Variants in COL6A3 observed in about 807,000 individuals in gnomAD.
The protein encoded by COL6A3 is collagen alpha-3(VI) chain.
Under a neutral mutation model 274.1 loss-of-function variants are expected in COL6A3, and 137 were observed. That is an observed-to-expected ratio of 0.50 (90% CI 0.44 to 0.58). The LOEUF (loss-of-function observed/expected upper bound fraction) is 0.58. Ranked by LOEUF, COL6A3 falls within the 20% of genes least tolerant of loss-of-function variation. The pLI is 0.00. For missense variants in COL6A3, 3,950 were observed against 4,124.9 expected, an observed-to-expected ratio of 0.96 and a Z score of 1.16; for synonymous variants, 1,650 against 1,650.6, an observed-to-expected ratio of 1.00 and a Z score of 0.01.
rs748053172 is a variant in COL6A3, at chr2:237,374,502, C to T, written c.3589G>A (p.Val1197Ile). 25 of 1,614,024 alleles carry T rather than the reference C, an allele frequency of 1.5e-5. No homozygotes were observed. The Admixed American group carries it at 1.7e-4, about 11-fold the overall frequency. ...ACCCTCTCAGAGATGACCTGTTGGA[C>T]GGTCCCCAGCTGGCGAAAGGTGGGA... Reference protein sequence around the residue: ...AIPTFRQLGTVQQVISERVTQ... With the variant: ...AIPTFRQLGTIQQVISERVTQ... The change falls in exon 8 of 44, where the codon GTC becomes ATC. Residue 1197 changes from valine (V) to isoleucine (I), a missense_variant. By Grantham distance (29) the Val-to-Ile change is conservative. Coordinates refer to ENST00000295550, the MANE Select transcript of COL6A3 (RefSeq NM_004369.4). The surrounding 1 kb of genome is among the most constrained non-coding windows in gnomAD (Gnocchi z 4.8).
chr2:237,393,921 G>A (rs2078357800), intron 3 of COL6A3, among the ~76,000 whole-genome samples: 1 of 152,164 alleles, frequency 6.6e-6, no homozygotes, highest in South Asian at 2.1e-4. Context: ...ATTAGAATTA[G>A]AAGAGTCTCT....
chr2:237,396,787 C>T lies in COL6A3; in HGVS notation c.31G>A (p.Ala11Thr), dbSNP rs1327591330. 1 of 1,614,040 alleles carries T rather than the reference C, an allele frequency of 6.2e-7. No individual in the cohort carries two copies. The highest frequency in any genetic ancestry group is 1.3e-5 in the African/African-American group (1 of 74,908). ...CCTGAGAGAAAGAGGCAAAAGACGG[C>T]CACTAAGGGCAAGTGCCGATGTTTC... is the stretch of plus-strand genomic sequence containing the variant. MRKHRHLPLVAVFCLFLSGFP... is the reference protein window; with the variant it reads MRKHRHLPLVTVFCLFLSGFP... The change falls in exon 2 of 44, where the codon GCC becomes ACC. Residue 11 changes from alanine (A) to threonine (T), a missense_variant. By Grantham distance (58) the Ala-to-Thr change is moderately conservative. Around this residue, in one of 5 missense-constraint regions of COL6A3, gnomAD observed 1,934 missense variants for 1,984.3 expected, o/e 0.97. Transcript: ENST00000295550.
intron 1 of COL6A3, among the ~76,000 whole-genome samples, chr2:237,401,388 AGT>A (rs1010128998): frequency 1.3e-5 from 2 of 151,246 alleles, no homozygotes; most frequent in African/African-American, 4.8e-5. Context: ...TCATTTCAAC[AGT>A]GTTTTATAGT....
chr2:237,386,177 C>A (rs927675316), intron 4 of COL6A3, among the ~76,000 whole-genome samples: 17 of 152,168 alleles, frequency 1.1e-4, no homozygotes, highest in Admixed American at 1.1e-3. Flanking sequence ...AATTTTGTAA[C>A]CCTTGTAAGG....
At chr2:237,410,547 C>T (rs771672655) in intron 1 of COL6A3, among the ~76,000 whole-genome samples, 9 of 152,080 alleles carry the variant, frequency 5.9e-5, no homozygotes, top group African/African-American at 9.7e-5. Flanking sequence ...TCAAGCGATC[C>T]GCCCACCTCA....
chr2:237,358,716 A>T (rs1294247898), intron 20 of COL6A3, 133 bp from the exon 21 acceptor site: 5 of 873,006 alleles, frequency 5.7e-6, no homozygotes, highest in Non-Finnish European at 9.5e-6. Flanking sequence ...CATGAAGGCA[A>T]ATTCACTTCC....
intron 4 of COL6A3, among the ~76,000 whole-genome samples, chr2:237,387,128 C>T (rs1405366591): frequency 1.3e-5 from 2 of 152,078 alleles, no homozygotes; most frequent in Non-Finnish European, 2.9e-5. Context: ...GAGGAGACAC[C>T]CTCACTCCAT....
In COL6A3 at chr2:237,341,005, C is replaced by A. The variant is rs973495446; in HGVS notation, c.7911G>T (p.Glu2637Asp). 3.1e-6 allele frequency: 5 copies of A among 1,614,072 alleles called. No homozygotes were observed. In the African/African-American group the frequency reaches 6.7e-5, roughly 22 times the overall value. ...AETTTLFQFN[E>D]MKKYIAYLVR... ...CCAGGTACGCTATGTACTTCTTCAT[C>A]TCATTGAACTGGAACAGGGTGGTGG... The change falls in exon 38 of 44, where the codon GAG becomes GAT. Residue 2637 changes from glutamate to aspartate, a missense_variant. Glu to Asp is a conservative substitution (Grantham distance 45, BLOSUM62 2). This residue lies in a region of COL6A3 where 1,284 missense variants were observed against 1,349.7 expected (regional missense o/e 0.95). Coordinates refer to ENST00000295550, the MANE Select transcript of COL6A3 (RefSeq NM_004369.4).
At chr2:237,406,904 T>TC (rs1367983824) in intron 1 of COL6A3, among the ~76,000 whole-genome samples, 1 of 148,230 alleles carries the variant, frequency 6.7e-6, no homozygotes, top group Non-Finnish European at 1.5e-5. Flanking sequence ...CTTTCTTTTT[T>TC]CCCTTTTTTT....
In COL6A3 at chr2:237,354,938, T is replaced by C. The variant is rs765782763; in HGVS notation, c.6592-4A>G. ...GTCCCCTTCGGCCAAAGCCACCCTG[T>C]GGAAGAAAAAGTCCCACAAACTGTG... On this transcript the variant is annotated splice_polypyrimidine_tract_variant and splice_region_variant and intron_variant, in intron 23 of 43. Coordinates refer to ENST00000295550, the MANE Select transcript of COL6A3 (RefSeq NM_004369.4). 8 of 1,613,756 alleles carry C rather than the reference T, an allele frequency of 5.0e-6. No homozygotes were observed. The South Asian group carries it at 5.5e-5, about 11-fold the overall frequency.
chr2:237,344,853 G>C lies in COL6A3; in HGVS notation c.7175-10C>G. ...GGGCACTCCAGGGGCCCTGTGGAAA[G>C]TAGAGGGTGGAGGGTTAAAGACAAA... On this transcript the variant is annotated splice_polypyrimidine_tract_variant and intron_variant, in intron 35 of 43. Transcript: ENST00000295550. The surrounding 1 kb of genome is among the most constrained non-coding windows in gnomAD (Gnocchi z 4.8). 6.2e-7 allele frequency: 1 copy of C among 1,613,666 alleles called. No homozygotes were observed. Among genetic ancestry groups the C allele is most frequent in the Non-Finnish European group, 8.5e-7 (1 of 1,180,040 alleles).
rs768794876 is a variant in COL6A3, at chr2:237,344,764, G to A, written c.7254C>T (p.Phe2418=). ...DTSEGVNQDT[F]GRMRDVVLSI... ...TCAAGACCACATCTCGCATCCGGCC[G>A]AAAGTGTCTTGGTTGACTCCCTCAG... Residue 2418 remains phenylalanine (F), a synonymous_variant, in exon 36 of 44, where the codon TTC becomes TTT. Coordinates refer to ENST00000295550, the MANE Select transcript of COL6A3 (RefSeq NM_004369.4). This position sits in a 1 kb window ranked among gnomAD's most constrained non-coding sequence, Gnocchi z 4.8. 5.9e-5 allele frequency: 95 copies of A among 1,602,018 alleles called. No individual in the cohort carries two copies. Among genetic ancestry groups the A allele is most frequent in the Admixed American group, 1.4e-4 (8 of 58,708 alleles).
chr2:237,333,239 T>C, intron 42 of COL6A3: 1 of 607,976 alleles, frequency 1.6e-6, no homozygotes, highest in Non-Finnish European at 2.9e-6. Flanking sequence ...CCATCAAATT[T>C]TCACTGAGTC....
At position 237,395,023 on chromosome 2, in the gene COL6A3, G is replaced by A. The variant is rs886042867; in HGVS notation, c.273C>T (p.Phe91=). The A allele has an allele frequency of 6.2e-6, 10 of 1,614,164 alleles. No individual in the cohort carries two copies. The highest frequency in any genetic ancestry group is 8.5e-6 in the Non-Finnish European group (10 of 1,180,024). Residue 91 remains phenylalanine, a synonymous_variant, in exon 3 of 44, where the codon TTC becomes TTT. Coordinates refer to ENST00000295550, the MANE Select transcript of COL6A3 (RefSeq NM_004369.4). ...VQFNGNPHTE[F]LLNTYRTKQE... is the part of the protein sequence containing the mutation. The stretch of plus-strand genomic sequence containing the variant: ...GTTTAGTACGATACGTATTTAACAG[G>A]AACTCGGTATGTGGGTTTCCGTTGA...
chr2:237,413,161 G>A lies in COL6A3; in HGVS notation c.-31+792C>T, dbSNP rs1413403915. ...TCCGGGCCAGAGAACAGCCCTCGGGGCCTCCCAGCTCGGCACTGGCCTCAC... is the reference window on the plus strand; with the variant it reads ...TCCGGGCCAGAGAACAGCCCTCGGGACCTCCCAGCTCGGCACTGGCCTCAC... On this transcript the variant is annotated intron_variant, in intron 1 of 43. Transcript: ENST00000295550. The surrounding 1 kb of genome is among the most constrained non-coding windows in gnomAD (Gnocchi z 4.0). Among the ~76,000 whole-genome samples, 2 of 152,200 alleles carry A rather than the reference G, an allele frequency of 1.3e-5. No individual in the cohort carries two copies. The highest frequency in any genetic ancestry group is 3.9e-4 in the East Asian group (2 of 5,182).
intron 1 of COL6A3, among the ~76,000 whole-genome samples, chr2:237,410,481 C>A (rs971650673): frequency 6.6e-6 from 1 of 151,634 alleles, no homozygotes; most frequent in African/African-American, 2.4e-5. Context: ...TTTTAAAACG[C>A]TTTTGTAGAG....
chr2:237,401,162 G>T (rs1320888242), intron 1 of COL6A3, among the ~76,000 whole-genome samples: 2 of 152,150 alleles, frequency 1.3e-5, no homozygotes, highest in African/African-American at 4.8e-5. Context: ...AGTGGGGAAA[G>T]GCTAGCCTCC....
In COL6A3 at chr2:237,340,923, C is replaced by T. The variant is rs1559201034; in HGVS notation, c.7993G>A (p.Ala2665Thr). ...TCAGAGGGCGCGTGCTGCACAACTG[C>T]CACTCTGGCGAAGTGCTGGGAGGCC... ...PKASQHFARV[A>T]VVQHAPSESV... Residue 2665 changes from alanine (A) to threonine (T), a missense_variant, in exon 38 of 44, where the codon GCA becomes ACA. Transcript: ENST00000295550. 1 of 1,613,104 alleles carries T rather than the reference C, an allele frequency of 6.2e-7. No individual in the cohort carries two copies. Among genetic ancestry groups the T allele is most frequent in the Admixed American group, 1.7e-5 (1 of 59,996 alleles).
At chr2:237,406,854 G>GT (rs1213512651) in intron 1 of COL6A3, among the ~76,000 whole-genome samples, 4 of 136,292 alleles carry the variant, frequency 2.9e-5, no homozygotes, top group Non-Finnish European at 6.4e-5. Flanking sequence ...AGCAAATTTT[G>GT]TTTTTTTACT....
Sources: allele counts gnomAD v4.1 joint callset (sites outside exome capture counted in the v4.1 genomes callset), GRCh38; gene constraint gnomAD v4.1.1; regional missense constraint gnomAD v4.1.1; non-coding constraint Gnocchi (gnomAD v3.1); transcripts MANE v1.5; gene names NCBI Gene and HGNC (gene_info 2026-07-23, HGNC 2026-07-21).